Variants in ZFHX4 observed in about 807,000 individuals in gnomAD.
ZFHX4 encodes the protein zinc finger homeobox 4, also known as zinc finger homeobox protein 4.
In ZFHX4, 56 loss-of-function variants were observed where a neutral mutation model predicts 267.6. That is an observed-to-expected ratio of 0.21 (90% confidence interval 0.17 to 0.26). The LOEUF (loss-of-function observed/expected upper bound fraction) is 0.26, where lower values mean the gene tolerates loss of function less well. Among genes scored for constraint, ZFHX4 ranks in the 10% least tolerant of loss-of-function variants. The probability of loss-of-function intolerance (pLI) is 1.00; values close to 1 mark genes in which losing one functional copy is unlikely to be tolerated. For synonymous variants in ZFHX4, 1,778 were observed against 1,665.6 expected (o/e 1.07, Z -1.64); for missense variants, 4,332 against 4,420.0 (o/e 0.98, Z 0.56).
intron 9 of ZFHX4, 28 bp from the exon 10 acceptor site, chr8:76,850,856 AAG>A: frequency 6.6e-7 from 1 of 1,511,986 alleles, no homozygotes; most frequent in Non-Finnish European, 8.8e-7. Flanking sequence ...TTCTTATTGT[AAG>A]AGAGATGTTT....
chr8:76,797,157 TA>T (rs1681333107), intron 4 of ZFHX4, among the ~76,000 whole-genome samples: 1 of 152,192 alleles, frequency 6.6e-6, no homozygotes, highest in Non-Finnish European at 1.5e-5. Context: ...TGGCTTGTTC[TA>T]GGAGTAGTAT....
Position 76,778,232 on chromosome 8 carries a change from G to C in ZFHX4, c.3118G>C (p.Val1040Leu), listed in dbSNP as rs374363934. Residue 1040 changes from valine (V) to leucine (L), a missense_variant, in exon 4 of 11, where the codon GTG (valine) becomes CTG (leucine). Val to Leu is a conservative substitution (Grantham distance 32). Transcript: ENST00000651372. ...YKHLQKQEGAVNPESCYYYCA... is the reference protein window; with the variant it reads ...YKHLQKQEGALNPESCYYYCA... ...GCACTTGCAGAAGCAAGAGGGTGCA[G>C]TGAATCCCGAATCCTGCTATTACTA... The C allele has an allele frequency of 1.2e-6, 2 of 1,613,276 alleles. No homozygotes were observed. The highest frequency in any genetic ancestry group is 1.7e-6 in the Non-Finnish European group (2 of 1,179,328).
intron 3 of ZFHX4, among the ~76,000 whole-genome samples, chr8:76,739,546 TC>T (rs1809260583): frequency 6.6e-6 from 1 of 152,120 alleles, no homozygotes; most frequent in Non-Finnish European, 1.5e-5. Flanking sequence ...GACAAGCAAT[TC>T]TTTCCATTAG....
chr8:76,730,736 G>A (rs778591539), intron 3 of ZFHX4, among the ~76,000 whole-genome samples: 1 of 151,998 alleles, frequency 6.6e-6, no homozygotes, highest in Non-Finnish European at 1.5e-5. Flanking sequence ...CTATTTTAAA[G>A]GTGCCCTGGG....
At chr8:76,772,032 A>T (rs750102670) in intron 3 of ZFHX4, among the ~76,000 whole-genome samples, 3 of 152,088 alleles carry the variant, frequency 2.0e-5, no homozygotes, top group Non-Finnish European at 4.4e-5. Context: ...TGACACTGTG[A>T]CCTTGGGCAA....
intron 3 of ZFHX4, among the ~76,000 whole-genome samples, chr8:76,744,675 A>G (rs997023339): frequency 6.6e-6 from 1 of 152,130 alleles, no homozygotes; most frequent in African/African-American, 2.4e-5. Flanking sequence ...GACCTCCCAA[A>G]GAGGTGGGAT....
In ZFHX4 at chr8:76,854,177, C is replaced by A; in HGVS notation, c.7256C>A (p.Ser2419Tyr). 3 of 1,581,024 alleles carry A rather than the reference C, an allele frequency of 1.9e-6. No individual in the cohort carries two copies. Among genetic ancestry groups the A allele is most frequent in the Non-Finnish European group, 2.6e-6 (3 of 1,163,598 alleles). Residue 2419 changes from serine (S) to tyrosine (Y), a missense_variant, in exon 10 of 11, where the codon TCT becomes TAT. Physicochemically the swap from Ser to Tyr is moderately radical, Grantham distance 144. Coordinates refer to ENST00000651372, the MANE Select transcript of ZFHX4 (RefSeq NM_024721.5). ...PAEKPKQSDP[S>Y]PPSQGTKPAL... ...GAAAAGCCAAAGCAGAGTGACCCCT[C>A]TCCCCCTTCTCAAGGCACCAAACCA...
intron 4 of ZFHX4, among the ~76,000 whole-genome samples, chr8:76,807,147 A>G (rs74620770): frequency 0.017 from 2,610 of 152,130 alleles, 88 homozygotes; most frequent in African/African-American, 0.058. Context: ...GATTAAACTA[A>G]TTTTGTAGGA....
intron 4 of ZFHX4, among the ~76,000 whole-genome samples, chr8:76,829,818 AAGG>A (rs909669106): frequency 1.8e-4 from 28 of 152,026 alleles, no homozygotes; most frequent in African/African-American, 6.3e-4. Flanking sequence ...GACTCCATTT[AAGG>A]AATGGGAACC....
intron 3 of ZFHX4, among the ~76,000 whole-genome samples, chr8:76,720,182 T>G (rs946893448): frequency 6.6e-6 from 1 of 152,122 alleles, no homozygotes; most frequent in African/African-American, 2.4e-5. Flanking sequence ...CAATCCTCCC[T>G]TCTCCGGCCC....
intron 5 of ZFHX4, among the ~76,000 whole-genome samples, chr8:76,836,924 G>T (rs1309620597): frequency 6.6e-6 from 1 of 152,066 alleles, no homozygotes; most frequent in Non-Finnish European, 1.5e-5. Flanking sequence ...CTGATGGATA[G>T]GATGCATATG....
Position 76,864,150 on chromosome 8 carries a change from C to A in ZFHX4, c.10436C>A (p.Ala3479Glu). 6.2e-7 allele frequency: 1 copy of A among 1,613,876 alleles called. No homozygotes were observed. Among genetic ancestry groups the A allele is most frequent in the Non-Finnish European group, 8.5e-7 (1 of 1,179,850 alleles). ...CACAAAGAGAAAACAATCAAACAAGCAATGAGAAATGCCAAAGAGCATGTT... is the reference window on the plus strand; with the variant it reads ...CACAAAGAGAAAACAATCAAACAAGAAATGAGAAATGCCAAAGAGCATGTT... ...SLHKEKTIKQ[A>E]MRNAKEHVRL... The change falls in exon 11 of 11, where the codon GCA (alanine) becomes GAA (glutamate). Residue 3479 changes from alanine (A) to glutamate (E), a missense_variant. This residue lies in a region of ZFHX4 where 1,648 missense variants were observed against 1,625.0 expected (regional missense o/e 1.01). Transcript: ENST00000651372.
In ZFHX4 at chr8:76,706,612, C is replaced by T; in HGVS notation, c.2524C>T (p.Pro842Ser). 2 of 1,608,204 alleles carry T rather than the reference C, an allele frequency of 1.2e-6. No individual in the cohort carries two copies. The highest frequency in any genetic ancestry group is 1.7e-6 in the Non-Finnish European group (2 of 1,177,512). Reference sequence around the variant, plus strand: ...AATGAAGCTGGAAAACCCTGCCGACCCTCAGCTGATGATCAATCCATTCCA... The same window carrying T: ...AATGAAGCTGGAAAACCCTGCCGACTCTCAGCTGATGATCAATCCATTCCA... The part of the protein sequence containing the change: ...TGMKLENPAD[P>S]QLMINPFQLD... Residue 842 changes from proline to serine, a missense_variant, in exon 2 of 11, where the codon CCT (proline) becomes TCT (serine). Pro to Ser is a moderately conservative substitution (Grantham distance 74). This residue lies in a region of ZFHX4 where 1,195 missense variants were observed against 1,173.6 expected (regional missense o/e 1.02). Coordinates refer to ENST00000651372, the MANE Select transcript of ZFHX4 (RefSeq NM_024721.5).
intron 4 of ZFHX4, among the ~76,000 whole-genome samples, chr8:76,802,248 T>G (rs1477581706): frequency 1.3e-5 from 2 of 152,166 alleles, no homozygotes; most frequent in Non-Finnish European, 2.9e-5. Flanking sequence ...ATTGCCAAAG[T>G]ATTTTATTAC....
At chr8:76,837,154 T>C (rs1812113671) in intron 5 of ZFHX4, among the ~76,000 whole-genome samples, 1 of 152,036 alleles carries the variant, frequency 6.6e-6, no homozygotes, top group Admixed American at 6.6e-5. Context: ...GTAATGTAGA[T>C]AGAGAAAGGG....
At position 76,866,275 on chromosome 8, in the gene ZFHX4, C is replaced by T. The variant is rs1813025525; in HGVS notation, c.*1710C>T. On this transcript the variant is annotated 3_prime_UTR_variant, in exon 11 of 11. Coordinates refer to ENST00000651372, the MANE Select transcript of ZFHX4 (RefSeq NM_024721.5). Reference sequence around the variant, plus strand: ...TTTGATATTTCTCTTCCGAGATGAACAAGTAGCATGTAATGCAACTGTTTG... The same window carrying T: ...TTTGATATTTCTCTTCCGAGATGAATAAGTAGCATGTAATGCAACTGTTTG... 1 of 152,518 alleles carries T rather than the reference C, an allele frequency of 6.6e-6. No homozygotes were observed. The highest frequency in any genetic ancestry group is 2.4e-5 in the African/African-American group (1 of 41,414). 9.4% of individuals were successfully genotyped at this position (152,518 alleles called of 1,614,324 possible).
chr8:76,842,815 T>C (rs1390398890), intron 6 of ZFHX4, 44 bp downstream of exon 6: 2 of 1,355,898 alleles, frequency 1.5e-6, no homozygotes, highest in East Asian at 2.5e-5. Flanking sequence ...CCTATACCCA[T>C]TCCCTGCCAT....
At chr8:76,780,492 T>A (rs2733721) in intron 4 of ZFHX4, among the ~76,000 whole-genome samples, 16,637 of 152,204 alleles carry the variant, frequency 0.11, 1,170 homozygotes, top group South Asian at 0.17. Flanking sequence ...CCATATCTTT[T>A]ATAAGTCCCT....
chr8:76,707,870 A>G lies in ZFHX4; in HGVS notation c.2915A>G (p.Gln972Arg). 1 of 1,614,092 alleles carries G rather than the reference A, an allele frequency of 6.2e-7. No individual in the cohort carries two copies. ...CKTDKHMQKY[Q>R]LVAHIKEGGK... is the part of the protein sequence containing the mutation. The stretch of plus-strand genomic sequence containing the variant: ...ACTGATAAACATATGCAGAAATATC[A>G]ACTGGTGGCTCACATTAAAGAAGGG... The change falls in exon 3 of 11, where the codon CAA becomes CGA. Residue 972 changes from glutamine to arginine, a missense_variant. Transcript: ENST00000651372.
Sources: allele counts gnomAD v4.1 joint callset (sites outside exome capture counted in the v4.1 genomes callset), GRCh38; gene constraint gnomAD v4.1.1; regional missense constraint gnomAD v4.1.1; transcripts MANE v1.5; gene names NCBI Gene and HGNC (gene_info 2026-07-23, HGNC 2026-07-21).